The following ATF2 variants were observed in gnomAD, a reference collection of about 807,000 sequenced individuals.
The protein encoded by ATF2 is cyclic AMP-dependent transcription factor ATF-2.
In ATF2, 24 loss-of-function variants were observed where a neutral mutation model predicts 60.6. The observed-to-expected ratio is 0.40, with a 90% CI of 0.29 to 0.56. The LOEUF is 0.56. Among genes scored for constraint, ATF2 ranks in the 20% least tolerant of loss-of-function variants. The pLI, the probability that ATF2 is intolerant of heterozygous loss-of-function variation, is 0.54. For missense variants in ATF2, 433 were observed against 607.7 expected, an observed-to-expected ratio of 0.71 and a Z score of 3.02; for synonymous variants, 206 against 215.4, an observed-to-expected ratio of 0.96 and a Z score of 0.38.
intron 4 of ATF2, among the ~76,000 whole-genome samples, chr2:175,128,432 G>A (rs577316007): frequency 2.0e-3 from 304 of 152,056 alleles, no homozygotes; most frequent in African/African-American, 6.7e-3. Flanking sequence ...CCTGGGAGGC[G>A]GAGATTGTGG....
At chr2:175,121,354 CAG>C in intron 5 of ATF2, 88 bp downstream of exon 5, 1 of 743,108 alleles carries the variant, frequency 1.3e-6, no homozygotes, top group Non-Finnish European at 2.0e-6. Flanking sequence ...GGAATATCAC[CAG>C]ACTATATTAT....
At chr2:175,133,015 G>A (rs1697847224) in intron 3 of ATF2, among the ~76,000 whole-genome samples, 1 of 151,932 alleles carries the variant, frequency 6.6e-6, no homozygotes, top group African/African-American at 2.4e-5. Flanking sequence ...TTGAACCTGG[G>A]GAGGTAGAGG....
At chr2:175,115,732 C>A (rs1696508266) in intron 7 of ATF2, among the ~76,000 whole-genome samples, 1 of 152,004 alleles carries the variant, frequency 6.6e-6, no homozygotes. Context: ...GACTAGCTCT[C>A]AAGGAAGAGA....
rs1693401819 is a variant in ATF2, at chr2:175,077,311, C to G, written c.1292-2476G>C. Among the ~76,000 whole-genome samples, 3 of 152,128 alleles carry G rather than the reference C, an allele frequency of 2.0e-5. No homozygotes were observed. In the South Asian group the frequency reaches 6.2e-4, roughly 32 times the overall value. On this transcript the variant is annotated intron_variant, in intron 13 of 13. Coordinates refer to ENST00000264110, the MANE Select transcript of ATF2 (RefSeq NM_001880.4). ...GATTTATAATCCTTTGGGTATATAC[C>G]CAGTAATGGGATGGCTGGGTCAAAT...
chr2:175,080,544 A>G (rs1693692036), intron 13 of ATF2, 116 bp downstream of exon 13: 2 of 736,516 alleles, frequency 2.7e-6, no homozygotes, highest in African/African-American at 1.7e-5. Context: ...AGAAATTCTG[A>G]TATTTAATCT....
intron 4 of ATF2, among the ~76,000 whole-genome samples, chr2:175,126,024 C>T (rs939322265): frequency 2.6e-5 from 4 of 152,144 alleles, no homozygotes; most frequent in African/African-American, 9.7e-5. Context: ...AAAGAACTGT[C>T]CTATAATGTC....
chr2:175,118,382 T>A lies in ATF2; in HGVS notation c.200-13A>T. Reference sequence around the variant, plus strand: ...GTTGGGGTCTGATCTGAAATAAATGTCAAGAAGTAATCATGCATATTTAAA... The same window carrying A: ...GTTGGGGTCTGATCTGAAATAAATGACAAGAAGTAATCATGCATATTTAAA... On this transcript the variant is annotated splice_polypyrimidine_tract_variant and intron_variant, in intron 5 of 13. Coordinates refer to ENST00000264110, the MANE Select transcript of ATF2 (RefSeq NM_001880.4). The A allele has an allele frequency of 6.3e-7, 1 of 1,587,832 alleles. No individual in the cohort carries two copies. The highest frequency in any genetic ancestry group is 8.6e-7 in the Non-Finnish European group (1 of 1,162,426).
At chr2:175,164,617 C>T (rs537120755) in intron 1 of ATF2, among the ~76,000 whole-genome samples, 1 of 152,274 alleles carries the variant, frequency 6.6e-6, no homozygotes, top group East Asian at 1.9e-4. Flanking sequence ...CTATCTTATA[C>T]CTTACTATAT....
chr2:175,116,661 A>T (rs924090412), intron 7 of ATF2, among the ~76,000 whole-genome samples: 9 of 148,958 alleles, frequency 6.0e-5, no homozygotes, highest in East Asian at 1.9e-4. Flanking sequence ...TTTTTTTTTT[A>T]AATCAATTTC....
rs1333854425 is a variant in ATF2 at position 175,114,175 on chromosome 2, A to G, written c.627-67T>C. 18 of 1,507,138 alleles carry G rather than the reference A, an allele frequency of 1.2e-5. No homozygotes were observed. In the Admixed American group the frequency reaches 1.7e-4, roughly 14 times the overall value. The allele number at this position is 1,507,138 out of a possible 1,614,324, so 93.4% of individuals were successfully genotyped here. On this transcript the variant is annotated intron_variant, in intron 8 of 13. Coordinates refer to ENST00000264110, the MANE Select transcript of ATF2 (RefSeq NM_001880.4). ...ATACCAACTGTCTCTTAAAAATACA[A>G]TAGTATTTTTACTCCTATAATCATA...
At chr2:175,080,555 T>G (rs1000859576) in intron 13 of ATF2, 105 bp downstream of exon 13, 2 of 810,868 alleles carry the variant, frequency 2.5e-6, no homozygotes, top group Admixed American at 2.5e-5. Context: ...TATTTAATCT[T>G]GAATATTAGA....
intron 3 of ATF2, among the ~76,000 whole-genome samples, chr2:175,134,064 T>C (rs186051381): frequency 1.7e-3 from 263 of 152,256 alleles, no homozygotes; most frequent in Middle Eastern, 0.01. Context: ...GCCCTCTGTA[T>C]CTATGAGTTT....
intron 10 of ATF2, among the ~76,000 whole-genome samples, chr2:175,106,766 G>A (rs1479464889): frequency 6.6e-6 from 1 of 152,166 alleles, no homozygotes; most frequent in East Asian, 1.9e-4. Context: ...AACCCTGGAG[G>A]CAGAGGTTGC....
At chr2:175,153,232 G>T (rs945785336) in intron 1 of ATF2, among the ~76,000 whole-genome samples, 1 of 152,098 alleles carries the variant, frequency 6.6e-6, no homozygotes, top group African/African-American at 2.4e-5. Flanking sequence ...TAACTTGAAA[G>T]GCACAGATGT....
chr2:175,087,610 C>T (rs1313721390), intron 12 of ATF2, among the ~76,000 whole-genome samples: 3 of 152,018 alleles, frequency 2.0e-5, no homozygotes, highest in Non-Finnish European at 4.4e-5. Context: ...TCAGCCATTA[C>T]CCCCAAAAAT....
At chr2:175,096,129 C>G (rs1265580286) in intron 11 of ATF2, among the ~76,000 whole-genome samples, 1 of 152,148 alleles carries the variant, frequency 6.6e-6, no homozygotes, top group Non-Finnish European at 1.5e-5. Flanking sequence ...TGATTGAAAA[C>G]TTTTGCTTTT....
intron 5 of ATF2, among the ~76,000 whole-genome samples, chr2:175,118,684 T>A (rs1696749959): frequency 6.6e-6 from 1 of 151,794 alleles, no homozygotes; most frequent in Non-Finnish European, 1.5e-5. Context: ...TAACACAGTA[T>A]AAAGAATTTT....
chr2:175,090,913 A>G (rs915169488), intron 12 of ATF2, among the ~76,000 whole-genome samples: 1 of 152,178 alleles, frequency 6.6e-6, no homozygotes, highest in Admixed American at 6.5e-5. Flanking sequence ...AGTCAAGATT[A>G]TATTTATTTT....
Position 175,073,300 on chromosome 2 carries a change from C to T in ATF2, c.*1309G>A, listed in dbSNP as rs780109292. The T allele has an allele frequency of 1.3e-5, 2 of 151,770 alleles. No individual in the cohort carries two copies. The highest frequency in any genetic ancestry group is 2.9e-5 in the Non-Finnish European group (2 of 67,962). The allele number at this position is 151,770 out of a possible 1,614,324, so 9.4% of individuals were successfully genotyped here. ...TGATTGGATAATGAGAAAAATGTAC[C>T]TACAATCATCTCATCAGAAACAAGC... is the stretch of plus-strand genomic sequence containing the variant. On this transcript the variant is annotated 3_prime_UTR_variant, in exon 14 of 14. Transcript: ENST00000264110.
Sources: allele counts gnomAD v4.1 joint callset (sites outside exome capture counted in the v4.1 genomes callset), GRCh38; gene constraint gnomAD v4.1.1; transcripts MANE v1.5; gene names NCBI Gene and HGNC (gene_info 2026-07-23, HGNC 2026-07-21).